Variants in IMMP2L observed in about 807,000 individuals in gnomAD.
The protein encoded by IMMP2L is mitochondrial inner membrane protease subunit 2.
Under a neutral mutation model 19.3 loss-of-function variants are expected in IMMP2L, and 18 were observed. The observed-to-expected ratio is 0.93, with a 90% CI of 0.64 to 1.38. IMMP2L has a LOEUF of 1.38. Ranked by LOEUF, IMMP2L falls within the 40% of genes most tolerant of loss-of-function variation. The pLI is 0.00. For missense variants in IMMP2L, 233 were observed against 218.2 expected, an observed-to-expected ratio of 1.07 and a Z score of -0.43; for synonymous variants, 76 against 73.0, an observed-to-expected ratio of 1.04 and a Z score of -0.21.
chr7:111,110,028 A>G (rs563884370), intron 3 of IMMP2L, among the ~76,000 whole-genome samples: 18 of 152,252 alleles, frequency 1.2e-4, no homozygotes, highest in Admixed American at 4.6e-4. Flanking sequence ...CAAGCTACTC[A>G]GGAGGCTGAG....
chr7:110,776,755 C>A (rs1478088943), intron 5 of IMMP2L, among the ~76,000 whole-genome samples: 1 of 151,980 alleles, frequency 6.6e-6, no homozygotes, highest in African/African-American at 2.4e-5. Flanking sequence ...TTTTGAAAGC[C>A]TGACGACTAT....
chr7:111,024,793 G>A (rs1826649145), intron 3 of IMMP2L, among the ~76,000 whole-genome samples: 1 of 152,074 alleles, frequency 6.6e-6, no homozygotes, highest in African/African-American at 2.4e-5. Context: ...ATTTACCTGT[G>A]CAGAAAGAAA....
chr7:111,209,114 G>A (rs573679912), intron 3 of IMMP2L, among the ~76,000 whole-genome samples: 2 of 152,240 alleles, frequency 1.3e-5, no homozygotes, highest in Admixed American at 6.5e-5. Flanking sequence ...ACTCACAGCC[G>A]AGCACGGTGG....
chr7:111,417,883 G>T (rs908613241), intron 3 of IMMP2L, among the ~76,000 whole-genome samples: 6 of 151,900 alleles, frequency 3.9e-5, no homozygotes, highest in African/African-American at 1.5e-4. Context: ...CGTTTGCAAA[G>T]CCCAAATCTG....
chr7:110,834,359 A>AGAGT (rs1804239625), intron 5 of IMMP2L, among the ~76,000 whole-genome samples: 1 of 150,252 alleles, frequency 6.7e-6, no homozygotes, highest in Non-Finnish European at 1.5e-5. Context: ...CAAAGTTAAG[A>AGAGT]GTGTGTGTGT....
At chr7:110,904,051 A>C (rs1812199307) in intron 4 of IMMP2L, among the ~76,000 whole-genome samples, 1 of 151,954 alleles carries the variant, frequency 6.6e-6, no homozygotes, top group Non-Finnish European at 1.5e-5. Context: ...TCAAGTCCTT[A>C]GCCCATTTTC....
chr7:111,279,269 G>C (rs546921199), intron 3 of IMMP2L, among the ~76,000 whole-genome samples: 1 of 152,304 alleles, frequency 6.6e-6, no homozygotes, highest in Admixed American at 6.5e-5. Flanking sequence ...AAAGCTCACT[G>C]TAATGGGTTG....
chr7:110,800,626 A>T (rs1198200613), intron 5 of IMMP2L, among the ~76,000 whole-genome samples: 1 of 152,106 alleles, frequency 6.6e-6, no homozygotes, highest in Non-Finnish European at 1.5e-5. Context: ...GGATGTAGAT[A>T]ACACTATTTT....
chr7:110,778,299 A>G (rs1297782530), intron 5 of IMMP2L, among the ~76,000 whole-genome samples: 1 of 152,006 alleles, frequency 6.6e-6, no homozygotes, highest in Non-Finnish European at 1.5e-5. Flanking sequence ...AGTGTATTAA[A>G]CAAAATATAG....
At chr7:111,204,755 G>A (rs1458527377) in intron 3 of IMMP2L, among the ~76,000 whole-genome samples, 2 of 152,146 alleles carry the variant, frequency 1.3e-5, no homozygotes, top group African/African-American at 4.8e-5. Flanking sequence ...AGATAAAGAA[G>A]CTAAGCCTTA....
chr7:111,162,154 A>C (rs905426733), intron 3 of IMMP2L, among the ~76,000 whole-genome samples: 4 of 152,126 alleles, frequency 2.6e-5, no homozygotes, highest in Non-Finnish European at 5.9e-5. Flanking sequence ...TTTTATATTT[A>C]TTGATAAATA....
At chr7:111,410,632 T>G (rs1834323193) in intron 3 of IMMP2L, among the ~76,000 whole-genome samples, 1 of 151,476 alleles carries the variant, frequency 6.6e-6, no homozygotes, top group African/African-American at 2.4e-5. Context: ...AAATTAACAT[T>G]AAAAGGCCTT....
intron 3 of IMMP2L, among the ~76,000 whole-genome samples, chr7:110,970,716 C>T (rs910523294): frequency 2.0e-5 from 3 of 152,118 alleles, no homozygotes; most frequent in Non-Finnish European, 4.4e-5. Context: ...GACATGCACT[C>T]GGAAGCATTC....
Position 111,392,664 on chromosome 7 carries a change from C to G in IMMP2L, c.239+94574G>C, listed in dbSNP as rs114855399. ...GCATCAGAATTTTTAGTGCTCAGTC[C>G]CACAAATCAAGGTCCCTAGGTTACA... On this transcript the variant is annotated intron_variant, in intron 3 of 5. Coordinates refer to ENST00000405709, the MANE Select transcript of IMMP2L (RefSeq NM_032549.4). 412 of 420,182 alleles carry G rather than the reference C, an allele frequency of 9.8e-4. 1 individual carries two copies. The highest frequency in any genetic ancestry group is 6.6e-3 in the African/African-American group (322 of 48,830). 26.0% of individuals were successfully genotyped at this position (420,182 alleles called of 1,614,324 possible).
rs553032725 is a variant in IMMP2L at position 110,940,887 on chromosome 7, A to G, written c.305+22613T>C. Among the ~76,000 whole-genome samples the G allele has an allele frequency of 1.7e-4, 26 of 152,304 alleles. No individual in the cohort carries two copies. In the South Asian group the frequency reaches 2.3e-3, roughly 13 times the overall value. On this transcript the variant is annotated intron_variant, in intron 4 of 5. Transcript: ENST00000405709. The stretch of plus-strand genomic sequence containing the variant: ...AGAACTTGCAAAGTCTTTATGATTA[A>G]TATGCTTATAAGTGGTGGTTTAATC...
intron 4 of IMMP2L, among the ~76,000 whole-genome samples, chr7:110,946,939 C>T (rs2129553641): frequency 6.6e-6 from 1 of 152,172 alleles, no homozygotes; most frequent in African/African-American, 2.4e-5. Context: ...TCAGGATGGT[C>T]TCGATACCCT....
chr7:111,151,696 T>C (rs1485417194), intron 3 of IMMP2L, among the ~76,000 whole-genome samples: 1 of 152,088 alleles, frequency 6.6e-6, no homozygotes, highest in Non-Finnish European at 1.5e-5. Flanking sequence ...ACCACCATGT[T>C]AGGAGGCCGA....
At chr7:110,857,930 G>A (rs759265384) in intron 5 of IMMP2L, among the ~76,000 whole-genome samples, 13 of 152,032 alleles carry the variant, frequency 8.6e-5, no homozygotes, top group Non-Finnish European at 1.5e-4. Context: ...CCTTGTAAGA[G>A]ATGATATACA....
chr7:111,342,921 A>G (rs1474136752), intron 3 of IMMP2L, among the ~76,000 whole-genome samples: 1 of 152,102 alleles, frequency 6.6e-6, no homozygotes, highest in African/African-American at 2.4e-5. Flanking sequence ...AACTACCAAA[A>G]CAAACCATGT....
Sources: gnomAD v4.1 joint callset for allele counts (sites outside exome capture counted in the v4.1 genomes callset) on GRCh38, gnomAD v4.1.1 for gene constraint, MANE v1.5 for transcripts, NCBI Gene and HGNC (gene_info 2026-07-23, HGNC 2026-07-21) for gene names.